The following CCDC200 variants were observed in gnomAD, a reference collection of about 807,000 sequenced individuals.
CCDC200 encodes coiled-coil domain-containing protein 200.
rs538905250 is a variant in CCDC200, at chr17:43,225,402, C to T, written c.106-853G>A. 2.6e-4 allele frequency among the ~76,000 whole-genome samples: 39 copies of T among 151,488 alleles called. 1 individual carries two copies. The South Asian group carries it at 7.9e-3, about 31-fold the overall frequency. Reference sequence around the variant, plus strand: ...ATGCTGGGCCGGACGCGGTGGCTCACGCCTGTCATCCCAGCACTTTGGGAA... The same window carrying T: ...ATGCTGGGCCGGACGCGGTGGCTCATGCCTGTCATCCCAGCACTTTGGGAA... On this transcript the variant is annotated intron_variant, in intron 1 of 3. Coordinates refer to ENST00000636331, the MANE Select transcript of CCDC200 (RefSeq NM_001363254.2).
intron 3 of CCDC200, among the ~76,000 whole-genome samples, chr17:43,221,901 C>T (rs1222589299): frequency 6.6e-6 from 1 of 151,932 alleles, no homozygotes; most frequent in African/African-American, 2.4e-5. Flanking sequence ...TTGAGACCAG[C>T]CTGGCCAACA....
chr17:43,227,415 C>T (rs568341861), intron 1 of CCDC200, among the ~76,000 whole-genome samples: 1 of 152,284 alleles, frequency 6.6e-6, no homozygotes, highest in Non-Finnish European at 1.5e-5. Context: ...TGCTTGAGTC[C>T]AGGAGTTCCA....
At chr17:43,226,663 G>A (rs563020853) in intron 1 of CCDC200, among the ~76,000 whole-genome samples, 1 of 152,264 alleles carries the variant, frequency 6.6e-6, no homozygotes, top group South Asian at 2.1e-4. Context: ...AAAGAGCTGG[G>A]ATTACAGGCG....
At chr17:43,225,881 G>A (rs2057566164) in intron 1 of CCDC200, among the ~76,000 whole-genome samples, 1 of 148,314 alleles carries the variant, frequency 6.7e-6, no homozygotes, top group Non-Finnish European at 1.5e-5. Context: ...TTATAGGCAT[G>A]TGCCACCACG....
At chr17:43,225,118 CA>C (rs777363190) in intron 1 of CCDC200, among the ~76,000 whole-genome samples, 41 of 152,148 alleles carry the variant, frequency 2.7e-4, no homozygotes, top group Non-Finnish European at 5.0e-4. Context: ...ACTGCTGCCC[CA>C]ACCTCCCAGG....
chr17:43,225,138 A>G (rs1189920505), intron 1 of CCDC200, among the ~76,000 whole-genome samples: 6 of 152,036 alleles, frequency 3.9e-5, no homozygotes, highest in Admixed American at 3.9e-4. Flanking sequence ...GGCTCAAGCG[A>G]TCCTTCCACC....
intron 1 of CCDC200, among the ~76,000 whole-genome samples, chr17:43,227,403 A>C (rs1598041080): frequency 1.3e-5 from 2 of 152,314 alleles, no homozygotes; most frequent in Admixed American, 1.3e-4. Context: ...AGGTGGGAGG[A>C]TTGCTTGAGT....
upstream of CCDC200, among the ~76,000 whole-genome samples, chr17:43,230,808 G>A (rs1441021932): frequency 1.2e-5 from 1 of 86,536 alleles, no homozygotes; most frequent in Non-Finnish European, 3.0e-5. Context: ...GTGAATCCCC[G>A]TCTCTACTAA....
intron 2 of CCDC200, 143 bp from the exon 3 acceptor site, chr17:43,223,757 A>C (rs1044524973): frequency 1.3e-5 from 2 of 152,180 alleles, no homozygotes; most frequent in Non-Finnish European, 2.9e-5. Context: ...CAGGGCACAG[A>C]CTGAGCCCTT....
intron 1 of CCDC200, among the ~76,000 whole-genome samples, chr17:43,227,009 G>C (rs1257901543): frequency 2.0e-5 from 3 of 151,892 alleles, no homozygotes; most frequent in Non-Finnish European, 4.4e-5. Context: ...ATGGATTTTT[G>C]CTCTTGTCAC....
In CCDC200 at chr17:43,223,246, A is replaced by ATTT. The variant is rs1382906549; in HGVS notation, c.480+307_480+309dup. 7.2e-3 allele frequency among the ~76,000 whole-genome samples: 612 copies of ATTT among 84,822 alleles called. 44 individuals carry two copies. The highest frequency in any genetic ancestry group is 0.011 in the Non-Finnish European group (484 of 44,000). 55.6% of individuals were successfully genotyped at this position (84,822 alleles called of 152,430 possible). A position where few individuals can be genotyped will look rare whatever the true frequency, so the allele number is the denominator to read the frequency against. On this transcript the variant is annotated intron_variant, in intron 3 of 3. Transcript: ENST00000636331. ...TTTCAATTTTTTTCAATTTTTTTCA[A>ATTT]TTTTTTTTTTTTTTTGGAGATGTCT...
intron 1 of CCDC200, among the ~76,000 whole-genome samples, chr17:43,226,974 G>A (rs1039769754): frequency 2.0e-5 from 3 of 151,934 alleles, no homozygotes; most frequent in African/African-American, 7.3e-5. Context: ...TTATATTTTT[G>A]TTGTTGTTGT....
chr17:43,222,745 T>C (rs34248961), intron 3 of CCDC200, among the ~76,000 whole-genome samples: 2,472 of 150,424 alleles, frequency 0.016, 55 homozygotes, highest in African/African-American at 0.056. Flanking sequence ...TGTGCCACCA[T>C]GCCCAGCTAG....
At chr17:43,226,599 T>C (rs1176132037) in intron 1 of CCDC200, among the ~76,000 whole-genome samples, 1 of 152,130 alleles carries the variant, frequency 6.6e-6, no homozygotes, top group Non-Finnish European at 1.5e-5. Flanking sequence ...TTCACCATGA[T>C]ACCAGGCTGG....
intron 1 of CCDC200, among the ~76,000 whole-genome samples, chr17:43,227,653 T>G (rs765072177): frequency 6.6e-6 from 1 of 151,492 alleles, no homozygotes; most frequent in African/African-American, 2.4e-5. Flanking sequence ...GCCTAGCTAC[T>G]TTTTGTACTT....
At chr17:43,222,192 A>G (rs908023089) in intron 3 of CCDC200, among the ~76,000 whole-genome samples, 5 of 151,174 alleles carry the variant, frequency 3.3e-5, no homozygotes, top group Non-Finnish European at 5.9e-5. Flanking sequence ...CTGTCTGTCT[A>G]TCTCACTCTT....
upstream of CCDC200, among the ~76,000 whole-genome samples, chr17:43,230,843 T>C (rs1421346152): frequency 8.7e-5 from 8 of 91,658 alleles, no homozygotes; most frequent in African/African-American, 2.3e-4. Context: ...TAGCCAGACG[T>C]AGTGGCAGGT....
chr17:43,223,154 C>G (rs538394918), intron 3 of CCDC200, among the ~76,000 whole-genome samples: 1 of 151,302 alleles, frequency 6.6e-6, no homozygotes, highest in Non-Finnish European at 1.5e-5. Flanking sequence ...TGGGCTCAAG[C>G]GATCCTCTCA....
At chr17:43,223,674 C>T (rs897474810) in intron 2 of CCDC200, 60 bp from the exon 3 acceptor site, 1 of 152,748 alleles carries the variant, frequency 6.5e-6, no homozygotes, top group Non-Finnish European at 1.5e-5. Context: ...TGGAATACTG[C>T]AAGCCTGGAG....
Sources: allele counts gnomAD v4.1 joint callset (sites outside exome capture counted in the v4.1 genomes callset), GRCh38; gene constraint gnomAD v4.1.1; transcripts MANE v1.5; gene names NCBI Gene and HGNC (gene_info 2026-07-23, HGNC 2026-07-21).